Variants in ANKRD28 observed in about 807,000 individuals in gnomAD.
The protein encoded by ANKRD28 is ankyrin repeat domain 28, also known as serine/threonine-protein phosphatase 6 regulatory ankyrin repeat subunit A.
In ANKRD28, 44 loss-of-function variants were observed where a neutral mutation model predicts 126.5. The ratio of observed to expected loss-of-function variants is 0.35; its 90% CI spans 0.27 to 0.45. The LOEUF (loss-of-function observed/expected upper bound fraction) is 0.45, where lower values mean the gene tolerates loss of function less well. Among genes scored for constraint, ANKRD28 ranks in the 20% least tolerant of loss-of-function variants. The pLI, the probability that ANKRD28 is intolerant of heterozygous loss-of-function variation, is 1.00. For synonymous variants in ANKRD28, 442 were observed against 468.5 expected, an observed-to-expected ratio of 0.94 and a Z score of 0.73; for missense variants, 1,110 against 1,316.6, an observed-to-expected ratio of 0.84 and a Z score of 2.43.
intron 1 of ANKRD28, among the ~76,000 whole-genome samples, chr3:15,844,244 C>T (rs888666310): frequency 3.3e-5 from 5 of 151,922 alleles, no homozygotes; most frequent in African/African-American, 9.7e-5. Flanking sequence ...AGAAATATAC[C>T]GGTAGTAAAA....
rs1237473682 is a variant in ANKRD28, at chr3:15,707,904, C to T, written c.1547+20G>A. 1 of 1,597,502 alleles carries T rather than the reference C, an allele frequency of 6.3e-7. No homozygotes were observed. Among genetic ancestry groups the T allele is most frequent in the Admixed American group, 1.7e-5 (1 of 59,638 alleles). On this transcript the variant is annotated intron_variant, in intron 14 of 27. Coordinates refer to ENST00000683139, the MANE Select transcript of ANKRD28 (RefSeq NM_001349278.2). Reference sequence around the variant, plus strand: ...TTTATAGAAATATTGATCCTCCACTCTCACTCCTATGGTACTTACTTGCCA... The same window carrying T: ...TTTATAGAAATATTGATCCTCCACTTTCACTCCTATGGTACTTACTTGCCA...
intron 21 of ANKRD28, among the ~76,000 whole-genome samples, chr3:15,680,057 G>A (rs1345772949): frequency 6.6e-6 from 1 of 151,984 alleles, no homozygotes; most frequent in African/African-American, 2.4e-5. Context: ...ATTCACAAGG[G>A]GTCCTGGAAA....
chr3:15,711,137 A>C, intron 12 of ANKRD28, 74 bp downstream of exon 12: 1 of 1,300,246 alleles, frequency 7.7e-7, no homozygotes, highest in South Asian at 1.4e-5. Flanking sequence ...ATTAATAAAA[A>C]AGAACAAAGA....
intron 1 of ANKRD28, among the ~76,000 whole-genome samples, chr3:15,811,603 C>A (rs959842931): frequency 6.6e-6 from 1 of 151,916 alleles, no homozygotes; most frequent in Admixed American, 6.6e-5. Flanking sequence ...TGCAGGTGCA[C>A]GCCACCATGC....
At chr3:15,810,517 T>TATATCTAATTTTTAAAAATTTA (rs1553641732) in intron 1 of ANKRD28, among the ~76,000 whole-genome samples, 3,471 of 152,166 alleles carry the variant, frequency 0.023, 138 homozygotes, top group African/African-American at 0.079. Flanking sequence ...TATTTAAAAA[T>TATATCTAATTTTTAAAAATTTA]AAAATCTTTA....
At chr3:15,791,115 G>T (rs753176178) in intron 2 of ANKRD28, among the ~76,000 whole-genome samples, 1 of 151,948 alleles carries the variant, frequency 6.6e-6, no homozygotes, top group Admixed American at 6.6e-5. Flanking sequence ...CACGAATGAA[G>T]AAAATTGAAG....
chr3:15,790,978 T>C (rs1481017888), intron 2 of ANKRD28, among the ~76,000 whole-genome samples: 2 of 152,158 alleles, frequency 1.3e-5, no homozygotes, highest in African/African-American at 4.8e-5. Context: ...AGCATTTCTA[T>C]ATGCCAACAG....
chr3:15,775,019 G>A (rs1313689586), intron 2 of ANKRD28, among the ~76,000 whole-genome samples: 2 of 152,208 alleles, frequency 1.3e-5, no homozygotes, highest in Non-Finnish European at 2.9e-5. Context: ...TGGGACTACA[G>A]GTGCCCACCA....
intron 23 of ANKRD28, among the ~76,000 whole-genome samples, 167 bp from the exon 24 acceptor site, chr3:15,678,521 C>T (rs1397455653): frequency 2.0e-5 from 3 of 152,202 alleles, no homozygotes; most frequent in Non-Finnish European, 4.4e-5. Context: ...TAATTTCTCT[C>T]ATAGAAATTT....
chr3:15,699,772 T>C (rs1370367649), intron 14 of ANKRD28, among the ~76,000 whole-genome samples: 2 of 152,204 alleles, frequency 1.3e-5, no homozygotes, highest in African/African-American at 4.8e-5. Flanking sequence ...TAGGCATGCT[T>C]TTACACTGTC....
At chr3:15,751,342 T>C (rs2057850001) in intron 4 of ANKRD28, among the ~76,000 whole-genome samples, 2 of 152,150 alleles carry the variant, frequency 1.3e-5, no homozygotes, top group Non-Finnish European at 2.9e-5. Flanking sequence ...CAAGTAATGG[T>C]TTTGAAGCTA....
rs1220646680 is a variant in ANKRD28 at position 15,676,003 on chromosome 3, C to T, written c.2874-14G>A. On this transcript the variant is annotated splice_polypyrimidine_tract_variant and intron_variant, in intron 26 of 27. Transcript: ENST00000683139. Reference sequence around the variant, plus strand: ...ACATGCAGAGGTCTAGGGGAAAAAACATGATACATGTACACATATGTGCAT... The same window carrying T: ...ACATGCAGAGGTCTAGGGGAAAAAATATGATACATGTACACATATGTGCAT... 1 of 1,606,434 alleles carries T rather than the reference C, an allele frequency of 6.2e-7. No individual in the cohort carries two copies. Among genetic ancestry groups the T allele is most frequent in the Non-Finnish European group, 8.5e-7 (1 of 1,175,254 alleles).
intron 3 of ANKRD28, among the ~76,000 whole-genome samples, chr3:15,763,256 C>A (rs2058583627): frequency 6.6e-6 from 1 of 152,240 alleles, no homozygotes; most frequent in South Asian, 2.1e-4. Flanking sequence ...TCCCTTTCCA[C>A]TTACCTGATA....
intron 6 of ANKRD28, among the ~76,000 whole-genome samples, chr3:15,731,041 T>C (rs1037188141): frequency 1.3e-5 from 2 of 152,208 alleles, no homozygotes; most frequent in Non-Finnish European, 2.9e-5. Context: ...CCTACAGAAC[T>C]GTAAGGAAAT....
intron 23 of ANKRD28, among the ~76,000 whole-genome samples, chr3:15,678,672 T>C (rs1005638924): frequency 2.6e-5 from 4 of 152,192 alleles, no homozygotes; most frequent in Non-Finnish European, 4.4e-5. Flanking sequence ...CCACCACTTA[T>C]TACAACTGCT....
chr3:15,859,358 C>T lies in ANKRD28; in HGVS notation c.27+19G>A, dbSNP rs1412858151. The T allele has an allele frequency of 3.3e-6, 5 of 1,526,852 alleles. 1 individual carries two copies. The highest frequency in any genetic ancestry group is 1.8e-6 in the Non-Finnish European group (2 of 1,140,114). 94.6% of individuals were successfully genotyped at this position (1,526,852 alleles called of 1,614,324 possible). A position where few individuals can be genotyped will look rare whatever the true frequency, so the allele number is the denominator to read the frequency against. Reference sequence around the variant, plus strand: ...TCCTTCCCGGACGGCGCGATCCCGCCCTGCAGCCCCTCACCTACCTGGTCA... The same window carrying T: ...TCCTTCCCGGACGGCGCGATCCCGCTCTGCAGCCCCTCACCTACCTGGTCA... On this transcript the variant is annotated intron_variant, in intron 1 of 27. Coordinates refer to the ANKRD28 transcript ENST00000399451.
At chr3:15,682,784 C>A (rs1028946687) in intron 21 of ANKRD28, among the ~76,000 whole-genome samples, 17 of 152,124 alleles carry the variant, frequency 1.1e-4, no homozygotes, top group Admixed American at 1.1e-3. Context: ...AATTATAAAA[C>A]GGGCTTTTGG....
At chr3:15,714,532 G>GAAAA (rs5846873) in intron 9 of ANKRD28, 46 bp downstream of exon 9, 14,698 of 1,074,070 alleles carry the variant, frequency 0.014, 7 homozygotes, top group Non-Finnish European at 0.015. Flanking sequence ...CTACATTTAA[G>GAAAA]AAAAAAAAAA....
intron 1 of ANKRD28, among the ~76,000 whole-genome samples, chr3:15,824,409 G>T (rs2061015033): frequency 6.6e-6 from 1 of 152,126 alleles, no homozygotes; most frequent in Non-Finnish European, 1.5e-5. Context: ...GCCTGCCTCG[G>T]CCTCCCATAG....
Sources: gnomAD v4.1 joint callset for allele counts (sites outside exome capture counted in the v4.1 genomes callset) on GRCh38, gnomAD v4.1.1 for gene constraint, MANE v1.5 for transcripts, NCBI Gene and HGNC (gene_info 2026-07-23, HGNC 2026-07-21) for gene names.